PRSS23: variants seen among roughly 807,000 people sequenced by gnomAD.
The protein encoded by PRSS23 is serine protease 23.
Under a neutral mutation model 34.7 loss-of-function variants are expected in PRSS23, and 25 were observed. The ratio of observed to expected loss-of-function variants is 0.72; its 90% CI spans 0.53 to 1.01. The LOEUF (loss-of-function observed/expected upper bound fraction) is 1.01, where lower values mean the gene tolerates loss of function less well. Ranked by LOEUF, PRSS23 falls within the 50% of genes least tolerant of loss-of-function variation. PRSS23 has a pLI of 0.00. For missense variants in PRSS23, 445 were observed against 475.6 expected (o/e 0.94, Z 0.60); for synonymous variants, 176 against 186.6 (o/e 0.94, Z 0.46).
chr11:86,878,219 C>G (rs77972144), intron 2 of PRSS23, among the ~76,000 whole-genome samples: 1 of 149,166 alleles, frequency 6.7e-6, no homozygotes, highest in East Asian at 2.0e-4. Context: ...CCTCTCCCTC[C>G]CCCTACCCCT....
chr11:86,832,316 C>T (rs1264683632), intron 2 of PRSS23, among the ~76,000 whole-genome samples: 1 of 152,026 alleles, frequency 6.6e-6, no homozygotes, highest in African/African-American at 2.4e-5. Flanking sequence ...GGATATTTTT[C>T]ACAATATTTT....
At chr11:86,845,264 C>T (rs1424360334) in intron 2 of PRSS23, among the ~76,000 whole-genome samples, 2 of 152,220 alleles carry the variant, frequency 1.3e-5, no homozygotes, top group East Asian at 1.9e-4. Flanking sequence ...CTCACTTGTT[C>T]CTCTCACAAT....
At chr11:86,882,617 G>A (rs182628566) in intron 2 of PRSS23, among the ~76,000 whole-genome samples, 2 of 152,160 alleles carry the variant, frequency 1.3e-5, no homozygotes, top group Non-Finnish European at 1.5e-5. Context: ...AGGCATTTAG[G>A]TTGATTCCAT....
chr11:86,901,483 G>A (rs1314721963), intron 2 of PRSS23, among the ~76,000 whole-genome samples: 3 of 152,094 alleles, frequency 2.0e-5, no homozygotes, highest in Admixed American at 2.0e-4. Flanking sequence ...AAACCAAATT[G>A]AATTACAGTC....
downstream of PRSS23, among the ~76,000 whole-genome samples, chr11:86,814,964 C>T (rs1948204939): frequency 6.6e-6 from 1 of 152,212 alleles, no homozygotes; most frequent in South Asian, 2.1e-4. Flanking sequence ...CTTGATTTAT[C>T]ACTGCCCCTT....
chr11:86,844,964 C>T (rs1048786010), intron 2 of PRSS23, among the ~76,000 whole-genome samples: 8 of 152,090 alleles, frequency 5.3e-5, no homozygotes, highest in African/African-American at 1.9e-4. Flanking sequence ...TGGTGCATAC[C>T]TGTTACCCTA....
intron 2 of PRSS23, among the ~76,000 whole-genome samples, chr11:86,943,462 A>T (rs1236622483): frequency 1.2e-4 from 19 of 152,106 alleles, no homozygotes; most frequent in Non-Finnish European, 2.1e-4. Flanking sequence ...CCATCTCCAC[A>T]AACATACAAA....
chr11:86,928,471 C>A (rs1270435966), intron 2 of PRSS23, among the ~76,000 whole-genome samples: 1 of 147,270 alleles, frequency 6.8e-6, no homozygotes, highest in African/African-American at 2.5e-5. Flanking sequence ...GTCAGGAGAT[C>A]GAGATCATCC....
intron 2 of PRSS23, among the ~76,000 whole-genome samples, chr11:86,824,351 A>AAAATAAAAT: frequency 6.7e-6 from 1 of 148,962 alleles, no homozygotes; most frequent in South Asian, 2.1e-4. Context: ...AAAATAAAAT[A>AAAATAAAAT]AAATAAAATA....
upstream of PRSS23, among the ~76,000 whole-genome samples, chr11:86,796,679 A>C (rs926579160): frequency 8.6e-5 from 13 of 151,812 alleles, no homozygotes; most frequent in South Asian, 6.2e-4. Context: ...CACATAATAA[A>C]ATATACTCCA....
chr11:86,832,654 G>T (rs1948368344), intron 2 of PRSS23: 2 of 437,040 alleles, frequency 4.6e-6, no homozygotes, highest in South Asian at 3.5e-5. Context: ...CCTTTCTGGG[G>T]GAAGATGACA....
At chr11:86,869,373 A>T (rs1458671534) in intron 2 of PRSS23, among the ~76,000 whole-genome samples, 1 of 152,194 alleles carries the variant, frequency 6.6e-6, no homozygotes, top group African/African-American at 2.4e-5. Flanking sequence ...ACATTCCTTT[A>T]TCAAACATCA....
intron 2 of PRSS23, among the ~76,000 whole-genome samples, chr11:86,927,014 T>G (rs894742828): frequency 1.3e-5 from 2 of 152,136 alleles, no homozygotes; most frequent in African/African-American, 4.8e-5. Flanking sequence ...TCAGATAGGG[T>G]TACCCAGTCA....
At chr11:86,912,278 T>G (rs1246490514) in intron 2 of PRSS23, 1 of 152,232 alleles carries the variant, frequency 6.6e-6, no homozygotes, top group African/African-American at 2.4e-5. Context: ...CTTACCCTAT[T>G]GGAGATTCAT....
At chr11:86,857,936 G>A (rs543568074) in intron 2 of PRSS23, 2 of 437,028 alleles carry the variant, frequency 4.6e-6, no homozygotes, top group South Asian at 3.8e-5. Context: ...AGCCCAGTGA[G>A]GACGGGCTGT....
At chr11:86,940,171 C>A (rs1335665181) in intron 2 of PRSS23, among the ~76,000 whole-genome samples, 4 of 152,178 alleles carry the variant, frequency 2.6e-5, no homozygotes. Flanking sequence ...CTAACAGTGT[C>A]ATGCTGACCC....
intron 1 of PRSS23, among the ~76,000 whole-genome samples, chr11:86,802,233 T>G (rs755477021): frequency 3.9e-5 from 6 of 152,208 alleles, no homozygotes; most frequent in Non-Finnish European, 8.8e-5. Context: ...TTGCACTCTG[T>G]TCTTGTTCTG....
At chr11:86,939,387 CTCAGTTAAAAAAAAAA>C (rs1949186136) in intron 2 of PRSS23, among the ~76,000 whole-genome samples, 2 of 51,766 alleles carry the variant, frequency 3.9e-5, no homozygotes, top group Non-Finnish European at 1.1e-4. Flanking sequence ...GTTCCTATTT[CTCAGTTAAAAAAAAAA>C]ATATATATAT....
chr11:86,887,762 A>T (rs1245712232), intron 2 of PRSS23, among the ~76,000 whole-genome samples: 1 of 152,096 alleles, frequency 6.6e-6, no homozygotes, highest in Non-Finnish European at 1.5e-5. Flanking sequence ...ATAATATTAC[A>T]CAATGTTGGC....
Sources: allele counts gnomAD v4.1 joint callset (sites outside exome capture counted in the v4.1 genomes callset), GRCh38; gene constraint gnomAD v4.1.1; transcripts MANE v1.5; gene names NCBI Gene and HGNC (gene_info 2026-07-23, HGNC 2026-07-21).